Variants in HSD17B2 observed in about 807,000 individuals in gnomAD.
HSD17B2 encodes the protein 17-beta-hydroxysteroid dehydrogenase type 2.
In HSD17B2, 32 loss-of-function variants were observed where a neutral mutation model predicts 26.9. The observed-to-expected ratio is 1.19, with a 90% confidence interval of 0.90 to 1.60. The LOEUF is 1.60. Among genes scored for constraint, HSD17B2 ranks in the 40% most tolerant of loss-of-function variants. The probability of loss-of-function intolerance (pLI) is 0.00; values close to 1 mark genes in which losing one functional copy is unlikely to be tolerated. For synonymous variants in HSD17B2, 246 were observed against 186.7 expected (o/e 1.32, Z -2.59); for missense variants, 613 against 468.6 (o/e 1.31, Z -2.85).
rs147948089 is a variant in HSD17B2, at chr16:82,040,655, G to C, written c.265+4966G>C. ...TGTGCCCATGACTCTGCTTAATACA[G>C]AGCTTGGCAATTGATTGGGTGTAGA... is the stretch of plus-strand genomic sequence containing the variant. On this transcript the variant is annotated intron_variant, in intron 1 of 4. Transcript: ENST00000199936. Among the ~76,000 whole-genome samples the C allele has an allele frequency of 1.6e-3, 247 of 152,284 alleles. 3 individuals carry two copies. Among genetic ancestry groups the C allele is most frequent in the African/African-American group, 5.6e-3 (233 of 41,558 alleles).
intron 3 of HSD17B2, among the ~76,000 whole-genome samples, chr16:82,075,592 G>A (rs1169347129): frequency 2.0e-5 from 3 of 152,004 alleles, no homozygotes. Context: ...GAGTAACTAA[G>A]TATATACCAA....
chr16:82,037,295 G>A (rs1259404637), intron 1 of HSD17B2, among the ~76,000 whole-genome samples: 1 of 152,186 alleles, frequency 6.6e-6, no homozygotes, highest in Admixed American at 6.5e-5. Context: ...ATTTTTATGA[G>A]GAATGCTATG....
intron 1 of HSD17B2, among the ~76,000 whole-genome samples, chr16:82,063,974 C>T (rs181646964): frequency 6.6e-6 from 1 of 152,138 alleles, no homozygotes; most frequent in Non-Finnish European, 1.5e-5. Context: ...GTGGGGGCAC[C>T]TATGAGTCTC....
Position 82,035,627 on chromosome 16 carries a change from T to G in HSD17B2, c.203T>G (p.Met68Arg). The G allele has an allele frequency of 6.2e-7, 1 of 1,613,994 alleles. No homozygotes were observed. Among genetic ancestry groups the G allele is most frequent in the Non-Finnish European group, 8.5e-7 (1 of 1,180,044 alleles). Residue 68 changes from methionine (M) to arginine (R), a missense_variant, in exon 1 of 5, where the codon ATG (methionine) becomes AGG (arginine). Coordinates refer to ENST00000199936, the MANE Select transcript of HSD17B2 (RefSeq NM_002153.3). The part of the protein sequence containing the change: ...LILFSVSCFL[M>R]YTYLSGQELL... ...CTCTTCTCGGTGTCATGCTTCCTCA[T>G]GTATACTTACTTATCTGGCCAAGAA...
chr16:82,079,532 C>T (rs929907354), intron 3 of HSD17B2, among the ~76,000 whole-genome samples: 1 of 152,152 alleles, frequency 6.6e-6, no homozygotes, highest in African/African-American at 2.4e-5. Context: ...TTTAAAGGTT[C>T]TATCTTCAAA....
chr16:82,077,318 C>T (rs898487032), intron 3 of HSD17B2, among the ~76,000 whole-genome samples: 3 of 152,296 alleles, frequency 2.0e-5, no homozygotes, highest in African/African-American at 7.2e-5. Context: ...TGAAAACAGA[C>T]ATATAGACCA....
chr16:82,078,310 A>G (rs1401177131), intron 3 of HSD17B2, among the ~76,000 whole-genome samples: 3 of 152,240 alleles, frequency 2.0e-5, no homozygotes, highest in African/African-American at 7.2e-5. Flanking sequence ...ATCATCAGAG[A>G]AATGCAAATC....
chr16:82,091,886 G>A (rs1250037496), intron 4 of HSD17B2: 1 of 152,198 alleles, frequency 6.6e-6, no homozygotes, highest in African/African-American at 2.4e-5. Flanking sequence ...TCAGCAAGCA[G>A]AGGCCACACT....
At chr16:82,084,052 G>A (rs1313628594) in intron 3 of HSD17B2, among the ~76,000 whole-genome samples, 1 of 152,048 alleles carries the variant, frequency 6.6e-6, no homozygotes, top group Non-Finnish European at 1.5e-5. Context: ...TCAAAAACAA[G>A]CCCTGCTAAA....
At chr16:82,084,309 A>G (rs936631667) in intron 3 of HSD17B2, among the ~76,000 whole-genome samples, 5 of 152,026 alleles carry the variant, frequency 3.3e-5, no homozygotes, top group African/African-American at 9.7e-5. Context: ...TGTGTCCTTG[A>G]CCCACTAGAT....
intron 3 of HSD17B2, among the ~76,000 whole-genome samples, chr16:82,072,211 GGAGA>G (rs148943235): frequency 1.3e-5 from 2 of 150,960 alleles, no homozygotes; most frequent in African/African-American, 4.9e-5. Context: ...AAGAAGGTAG[GGAGA>G]GAGAGAGAGA....
At chr16:82,049,394 C>T (rs1914037105) in intron 1 of HSD17B2, among the ~76,000 whole-genome samples, 1 of 152,218 alleles carries the variant, frequency 6.6e-6, no homozygotes, top group South Asian at 2.1e-4. Flanking sequence ...CGGGTCATGT[C>T]ATTCATGTGC....
At chr16:82,046,859 A>G (rs1913945958) in intron 1 of HSD17B2, among the ~76,000 whole-genome samples, 1 of 152,208 alleles carries the variant, frequency 6.6e-6, no homozygotes, top group Admixed American at 6.5e-5. Context: ...AACTAAGGCC[A>G]AGTGACAAAT....
At chr16:82,082,132 T>A (rs1346281261) in intron 3 of HSD17B2, among the ~76,000 whole-genome samples, 2 of 152,214 alleles carry the variant, frequency 1.3e-5, no homozygotes, top group Non-Finnish European at 2.9e-5. Context: ...CATTAACCCA[T>A]TAAAGTTTGG....
chr16:82,038,325 A>G (rs148345939), intron 1 of HSD17B2, among the ~76,000 whole-genome samples: 77 of 152,286 alleles, frequency 5.1e-4, no homozygotes, highest in African/African-American at 1.5e-3. Flanking sequence ...TTTAAAATGT[A>G]TGTGTGATGC....
At chr16:82,045,257 G>T (rs373043683) in intron 1 of HSD17B2, among the ~76,000 whole-genome samples, 3 of 152,044 alleles carry the variant, frequency 2.0e-5, no homozygotes, top group South Asian at 4.1e-4. Context: ...ACTTAAATGG[G>T]GTCAGCACTG....
Position 82,043,283 on chromosome 16 carries a change from A to G in HSD17B2, c.265+7594A>G, listed in dbSNP as rs562089350. On this transcript the variant is annotated intron_variant, in intron 1 of 4. Transcript: ENST00000199936. ...CCCCAGGCAGGATCTGGCCACATGC[A>G]AGGGGTCTCCCCTGGCCTGCCCTCC... Among the ~76,000 whole-genome samples the G allele has an allele frequency of 9.8e-5, 15 of 152,300 alleles. No individual in the cohort carries two copies. In the South Asian group the frequency reaches 2.7e-3, roughly 27 times the overall value.
At chr16:82,084,299 T>C (rs1317136391) in intron 3 of HSD17B2, among the ~76,000 whole-genome samples, 1 of 152,148 alleles carries the variant, frequency 6.6e-6, no homozygotes, top group Non-Finnish European at 1.5e-5. Flanking sequence ...TAACAGCATA[T>C]GTGTCCTTGA....
chr16:82,061,734 A>G (rs1914444203), intron 1 of HSD17B2, among the ~76,000 whole-genome samples: 1 of 152,256 alleles, frequency 6.6e-6, no homozygotes, highest in South Asian at 2.1e-4. Flanking sequence ...GAGTTATGCA[A>G]TATGGTGAGA....
Sources: allele counts gnomAD v4.1 joint callset (sites outside exome capture counted in the v4.1 genomes callset), GRCh38; gene constraint gnomAD v4.1.1; transcripts MANE v1.5; gene names NCBI Gene and HGNC (gene_info 2026-07-23, HGNC 2026-07-21).